The following BCAS3 variants were observed in gnomAD, a reference collection of about 807,000 sequenced individuals.
The protein encoded by BCAS3 is BCAS3 microtubule associated cell migration factor.
Under a neutral mutation model 116.1 loss-of-function variants are expected in BCAS3, and 53 were observed. The observed-to-expected ratio is 0.46, with a 90% CI of 0.37 to 0.57. The LOEUF (loss-of-function observed/expected upper bound fraction) is 0.57. BCAS3 is among the 20% of genes least tolerant of loss of function. The pLI, the probability that BCAS3 is intolerant of heterozygous loss-of-function variation, is 0.00. For synonymous variants in BCAS3, 391 were observed against 408.2 expected, an observed-to-expected ratio of 0.96 and a Z score of 0.51; for missense variants, 917 against 1,165.4, an observed-to-expected ratio of 0.79 and a Z score of 3.10.
intron 7 of BCAS3, among the ~76,000 whole-genome samples, chr17:60,821,399 G>T (rs1212591669): frequency 1.3e-5 from 2 of 152,110 alleles, no homozygotes; most frequent in East Asian, 1.9e-4. Flanking sequence ...TATTTAAAGT[G>T]TATAATATTA....
At chr17:60,911,019 T>G (rs1019251749) in intron 12 of BCAS3, among the ~76,000 whole-genome samples, 1 of 151,980 alleles carries the variant, frequency 6.6e-6, no homozygotes, top group Non-Finnish European at 1.5e-5. Flanking sequence ...TTTTTTTTCT[T>G]AACTTGCTAC....
chr17:60,874,583 A>G (rs1021091649), intron 8 of BCAS3, 79 bp from the exon 9 acceptor site: 1 of 942,974 alleles, frequency 1.1e-6, no homozygotes. Context: ...TCTAGATGAT[A>G]TAATGCATTT....
intron 3 of BCAS3, 128 bp downstream of exon 3, chr17:60,684,164 T>A: frequency 2.6e-6 from 2 of 782,774 alleles, no homozygotes; most frequent in Non-Finnish European, 4.3e-6. Flanking sequence ...TCCTGAGCAT[T>A]CGTAGGGTGG....
chr17:60,843,936 G>A (rs376116983), intron 7 of BCAS3, among the ~76,000 whole-genome samples: 35 of 152,228 alleles, frequency 2.3e-4, no homozygotes, highest in Admixed American at 3.3e-4. Flanking sequence ...CCTGTTTTGC[G>A]CTCATAGTGC....
chr17:60,727,236 C>T, intron 5 of BCAS3: 1 of 958,804 alleles, frequency 1.0e-6, no homozygotes, highest in Non-Finnish European at 1.7e-6. Flanking sequence ...CTCTGAATGA[C>T]CACCATCCTC....
In BCAS3 at chr17:61,204,916, G is replaced by A. The variant is rs1467636338; in HGVS notation, c.2425+120352G>A. Among the ~76,000 whole-genome samples the A allele has an allele frequency of 6.6e-6, 1 of 152,112 alleles. No individual in the cohort carries two copies. Among genetic ancestry groups the A allele is most frequent in the African/African-American group, 2.4e-5 (1 of 41,422 alleles). On this transcript the variant is annotated intron_variant, in intron 22 of 23. Coordinates refer to ENST00000407086, the MANE Select transcript of BCAS3 (RefSeq NM_017679.5). This position sits in a 1 kb window ranked among gnomAD's most constrained non-coding sequence, Gnocchi z 4.2. ...AAAATATAGAAATTAGCCTGGCGTG[G>A]CGGCACATACCTGTAGTCCCAGCTA...
chr17:60,797,608 C>T (rs1178314715), intron 6 of BCAS3, among the ~76,000 whole-genome samples: 3 of 151,986 alleles, frequency 2.0e-5, no homozygotes, highest in African/African-American at 7.3e-5. Flanking sequence ...TAGGTATACA[C>T]ATGCTATGGT....
rs991159758 is a variant in BCAS3, at chr17:61,261,105, A to G, written c.2426-107222A>G. Among the ~76,000 whole-genome samples, 1 of 152,258 alleles carries G rather than the reference A, an allele frequency of 6.6e-6. No individual in the cohort carries two copies. The highest frequency in any genetic ancestry group is 1.9e-4 in the East Asian group (1 of 5,206). On this transcript the variant is annotated intron_variant, in intron 22 of 23. Coordinates refer to ENST00000407086, the MANE Select transcript of BCAS3 (RefSeq NM_017679.5). The surrounding 1 kb of genome is among the most constrained non-coding windows in gnomAD (Gnocchi z 4.4). ...ATTTGACACATTTTGCCTGGAAGTCATAGAAGAAGACTGAGGTGCCCCCAT... is the reference window on the plus strand; with the variant it reads ...ATTTGACACATTTTGCCTGGAAGTCGTAGAAGAAGACTGAGGTGCCCCCAT...
At chr17:61,116,082 G>A (rs1218665567) in intron 22 of BCAS3, among the ~76,000 whole-genome samples, 3 of 145,012 alleles carry the variant, frequency 2.1e-5, no homozygotes, top group South Asian at 2.3e-4. Context: ...CACACTCTGG[G>A]GACTGTGGTA....
At position 61,199,809 on chromosome 17, in the gene BCAS3, G is replaced by A. The variant is rs144520592; in HGVS notation, c.2425+115245G>A. 6.6e-5 allele frequency among the ~76,000 whole-genome samples: 10 copies of A among 152,160 alleles called. No homozygotes were observed. The highest frequency in any genetic ancestry group is 4.2e-4 in the South Asian group (2 of 4,806). ...ATCTCTATCCCTTTTCCAAAAGCCC[G>A]GTAAAGTTAGTTTGCTTAAAACTAC... On this transcript the variant is annotated intron_variant, in intron 22 of 23. Transcript: ENST00000407086. The surrounding 1 kb of genome is among the most constrained non-coding windows in gnomAD (Gnocchi z 4.6).
At chr17:60,906,699 G>C (rs1179032355) in intron 11 of BCAS3, among the ~76,000 whole-genome samples, 1 of 152,002 alleles carries the variant, frequency 6.6e-6, no homozygotes, top group African/African-American at 2.4e-5. Flanking sequence ...GATTTTCCTA[G>C]TTGTTCTCAT....
At chr17:61,050,955 G>T (rs1349545711) in intron 19 of BCAS3, among the ~76,000 whole-genome samples, 1 of 151,998 alleles carries the variant, frequency 6.6e-6, no homozygotes, top group African/African-American at 2.4e-5. Flanking sequence ...AGTTAAGTAA[G>T]AAATGAATTA....
In BCAS3 at chr17:60,752,203, C is replaced by G. The variant is rs889765613; in HGVS notation, c.403+4924C>G. Among the ~76,000 whole-genome samples the G allele has an allele frequency of 4.7e-5, 7 of 148,668 alleles. No individual in the cohort carries two copies. The East Asian group carries it at 1.4e-3, about 30-fold the overall frequency. On this transcript the variant is annotated intron_variant, in intron 6 of 23. Transcript: ENST00000407086. ...GTGTGTGTGTAAGTGTAATATTTTT[C>G]ATAACGATTTATAGTGAACATTGTT...
rs11871179 is a variant in BCAS3 at position 61,227,472 on chromosome 17, T to C, written c.2426-140855T>C. 0.12 allele frequency among the ~76,000 whole-genome samples: 18,574 copies of C among 152,162 alleles called. 1,853 individuals are homozygous for C. The highest frequency in any genetic ancestry group is 0.27 in the African/African-American group (11,295 of 41,480). On this transcript the variant is annotated intron_variant, in intron 22 of 23. Coordinates refer to ENST00000407086, the MANE Select transcript of BCAS3 (RefSeq NM_017679.5). The surrounding 1 kb of genome is among the most constrained non-coding windows in gnomAD (Gnocchi z 6.1). ...AGGAACTCTAGGGACTGTAAGAAGT[T>C]TGAAACAGAAAAGGGCTTTCTTTAG...
chr17:60,836,810 A>G (rs983163447), intron 7 of BCAS3, among the ~76,000 whole-genome samples: 9 of 152,194 alleles, frequency 5.9e-5, no homozygotes, highest in African/African-American at 2.2e-4. Flanking sequence ...TTTTAGTTAT[A>G]ATAACCTAAA....
intron 12 of BCAS3, among the ~76,000 whole-genome samples, chr17:60,911,133 T>TTTTTTTC (rs1483610025): frequency 7.8e-6 from 1 of 128,892 alleles, no homozygotes; most frequent in Non-Finnish European, 1.6e-5. Flanking sequence ...CTTTTTTTTT[T>TTTTTTTC]TTTTTTTGAG....
chr17:60,847,679 T>C (rs911317261), intron 7 of BCAS3, among the ~76,000 whole-genome samples: 1 of 152,212 alleles, frequency 6.6e-6, no homozygotes, highest in African/African-American at 2.4e-5. Context: ...ACTTTTTTTT[T>C]CTCATTGGAA....
At chr17:60,711,883 C>T (rs75985063) in intron 5 of BCAS3, among the ~76,000 whole-genome samples, 9 of 151,656 alleles carry the variant, frequency 5.9e-5, no homozygotes, top group African/African-American at 1.2e-4. Flanking sequence ...TGAGACCAGC[C>T]GGGTGCGGTG....
At chr17:60,811,085 A>G in intron 7 of BCAS3, 3 of 632,534 alleles carry the variant, frequency 4.7e-6, no homozygotes, top group South Asian at 3.0e-5. Context: ...CAGTTCTTGG[A>G]TATTGACCTG....
Sources: gnomAD v4.1 joint callset for allele counts (sites outside exome capture counted in the v4.1 genomes callset) on GRCh38, gnomAD v4.1.1 for gene constraint, Gnocchi (gnomAD v3.1) non-coding constraint, MANE v1.5 for transcripts, NCBI Gene and HGNC (gene_info 2026-07-23, HGNC 2026-07-21) for gene names.